KIF5C: variants seen among roughly 807,000 people sequenced by gnomAD.
The protein encoded by KIF5C is kinesin heavy chain isoform 5C.
A neutral mutation model predicts 125.2 loss-of-function variants in KIF5C; 18 were observed. The ratio of observed to expected loss-of-function variants is 0.14; its 90% CI spans 0.10 to 0.21. KIF5C has a LOEUF of 0.21. Among genes scored for constraint, KIF5C ranks in the 10% least tolerant of loss-of-function variants. The pLI is 1.00. For synonymous variants in KIF5C, 405 were observed against 434.0 expected (o/e 0.93, Z 0.83); for missense variants, 780 against 1,183.8 (o/e 0.66, Z 5.01).
intron 1 of KIF5C, among the ~76,000 whole-genome samples, chr2:148,915,215 G>A (rs188829197): frequency 6.7e-4 from 102 of 152,272 alleles, no homozygotes; most frequent in African/African-American, 2.4e-3. Context: ...TACAGTGTGC[G>A]TCTCCTGTAT....
At position 148,964,074 on chromosome 2, in the gene KIF5C, G is replaced by A. The variant is rs571077048; in HGVS notation, c.1117+1955G>A. ...GCAGATCACCTGAGGTCGGGAGTTC[G>A]AGACCCGCCTGGCCAACATGGAGAA... On this transcript the variant is annotated intron_variant, in intron 11 of 25. Transcript: ENST00000435030. Among the ~76,000 whole-genome samples the A allele has an allele frequency of 3.3e-5, 5 of 152,160 alleles. 1 individual carries two copies. In the South Asian group the frequency reaches 1.0e-3, roughly 32 times the overall value.
At chr2:149,016,462 C>T (rs975424944) in intron 25 of KIF5C, among the ~76,000 whole-genome samples, 2 of 152,104 alleles carry the variant, frequency 1.3e-5, no homozygotes, top group Non-Finnish European at 2.9e-5. Context: ...CTGCTTAGAG[C>T]TGATTCAGCT....
intron 18 of KIF5C, 198 bp downstream of exon 18, chr2:148,997,538 T>A: frequency 1.0e-6 from 1 of 966,464 alleles, no homozygotes; most frequent in South Asian, 1.8e-5. Context: ...CCCCAAGATG[T>A]CTGTAGAGAA....
intron 17 of KIF5C, among the ~76,000 whole-genome samples, chr2:148,996,027 C>T (rs56102261): frequency 0.1 from 15,449 of 152,026 alleles, 1,030 homozygotes; most frequent in African/African-American, 0.18. Context: ...TGGTGGCACA[C>T]GCCTGTAATC....
At chr2:148,949,436 T>C (rs1462755953) in intron 8 of KIF5C, among the ~76,000 whole-genome samples, 1 of 152,180 alleles carries the variant, frequency 6.6e-6, no homozygotes, top group African/African-American at 2.4e-5. Flanking sequence ...TGCCCATTCA[T>C]TGTGGCTCAG....
chr2:148,875,865 C>G lies in KIF5C; in HGVS notation c.126+122C>G, dbSNP rs1223929939. 1.6e-5 allele frequency: 21 copies of G among 1,275,932 alleles called. No homozygotes were observed. The East Asian group carries it at 7.3e-4, about 45-fold the overall frequency. 79.0% of individuals were successfully genotyped at this position (1,275,932 alleles called of 1,614,324 possible). ...GGACATTCCCGCGGGGCTGGCCTCT[C>G]GGGTGGACCTGACCAGAGACCCCTC... On this transcript the variant is annotated intron_variant, in intron 1 of 25. Transcript: ENST00000435030.
Position 148,985,336 on chromosome 2 carries a change from G to A in KIF5C, c.1716+1570G>A, listed in dbSNP as rs538924697. ...TTTATTGAGGTATAATTTACATAAA[G>A]CTGCACATATTTAAAGTATACAGTC... On this transcript the variant is annotated intron_variant, in intron 15 of 25. Coordinates refer to ENST00000435030, the MANE Select transcript of KIF5C (RefSeq NM_004522.3). 5.3e-5 allele frequency among the ~76,000 whole-genome samples: 8 copies of A among 152,242 alleles called. No individual in the cohort carries two copies. In the South Asian group the frequency reaches 1.5e-3, roughly 28 times the overall value.
At chr2:148,900,934 G>T (rs921792712) in intron 1 of KIF5C, among the ~76,000 whole-genome samples, 2 of 152,118 alleles carry the variant, frequency 1.3e-5, no homozygotes, top group East Asian at 3.9e-4. Flanking sequence ...ATGAACATTC[G>T]TTGCTGCTCT....
At chr2:148,991,278 T>G (rs1415916672) in intron 16 of KIF5C, 80 bp downstream of exon 16, 2 of 1,513,626 alleles carry the variant, frequency 1.3e-6, no homozygotes, top group East Asian at 4.8e-5. Flanking sequence ...GTGCTGATGG[T>G]GCACCTTAGG....
chr2:148,909,349 C>T (rs1421644040), intron 1 of KIF5C, among the ~76,000 whole-genome samples: 2 of 152,220 alleles, frequency 1.3e-5, no homozygotes, highest in African/African-American at 4.8e-5. Context: ...GCTCTGAGGT[C>T]ACATCCTGGG....
At chr2:148,941,825 G>T in intron 5 of KIF5C, 110 bp from the exon 6 acceptor site, 1 of 1,476,910 alleles carries the variant, frequency 6.8e-7, no homozygotes, top group Non-Finnish European at 9.1e-7. Context: ...CTTGCATATT[G>T]CAAAGAGATT....
At chr2:148,931,520 A>G (rs1682185475) in intron 3 of KIF5C, among the ~76,000 whole-genome samples, 1 of 152,136 alleles carries the variant, frequency 6.6e-6, no homozygotes, top group Non-Finnish European at 1.5e-5. Flanking sequence ...AAAATTAGCC[A>G]GGCGTGGTGG....
intron 12 of KIF5C, among the ~76,000 whole-genome samples, chr2:148,974,763 TTCC>T (rs1681017224): frequency 6.6e-6 from 1 of 152,218 alleles, no homozygotes; most frequent in African/African-American, 2.4e-5. Flanking sequence ...TGCATTTTTT[TTCC>T]TCATTTTAGA....
At chr2:148,985,600 G>C (rs1314794976) in intron 15 of KIF5C, among the ~76,000 whole-genome samples, 1 of 152,140 alleles carries the variant, frequency 6.6e-6, no homozygotes, top group Admixed American at 6.5e-5. Context: ...CTGGGGAATG[G>C]TATTACATTG....
At chr2:149,009,324 A>G (rs1002519490) in intron 23 of KIF5C, among the ~76,000 whole-genome samples, 1 of 152,152 alleles carries the variant, frequency 6.6e-6, no homozygotes, top group Admixed American at 6.5e-5. Context: ...TTGAACGAGC[A>G]TTTATTAAAA....
intron 14 of KIF5C, among the ~76,000 whole-genome samples, chr2:148,982,645 C>G (rs773839709): frequency 2.4e-4 from 37 of 152,146 alleles, no homozygotes; most frequent in Non-Finnish European, 4.4e-4. Context: ...TTGGCAATGC[C>G]AAACAAAATA....
In KIF5C at chr2:149,010,185, G is replaced by C; in HGVS notation, c.2601G>C (p.Lys867Asn). 3.2e-6 allele frequency: 5 copies of C among 1,554,086 alleles called. No homozygotes were observed. Among genetic ancestry groups the C allele is most frequent in the Non-Finnish European group, 4.4e-6 (5 of 1,148,712 alleles). ...GCTGTGAACTGCCCAAGCTGGAGAAGCGGCTGCGTGCCACGGCGGAGCGCG... is the reference window on the plus strand; with the variant it reads ...GCTGTGAACTGCCCAAGCTGGAGAACCGGCTGCGTGCCACGGCGGAGCGCG... ...DLRCELPKLE[K>N]RLRATAERVK... is the part of the protein sequence containing the mutation. Residue 867 changes from lysine (K) to asparagine (N), a missense_variant, in exon 24 of 26, where the codon AAG (lysine) becomes AAC (asparagine). Lys to Asn is a moderately conservative substitution (Grantham distance 94). Around this residue, in one of 2 missense-constraint regions of KIF5C, gnomAD observed 573 missense variants for 742.6 expected, o/e 0.77. Transcript: ENST00000435030.
chr2:149,016,350 G>C (rs547938881), intron 25 of KIF5C, among the ~76,000 whole-genome samples: 1 of 149,766 alleles, frequency 6.7e-6, no homozygotes, highest in African/African-American at 2.5e-5. Flanking sequence ...AATGGGGTAA[G>C]CACTGGGGGT....
chr2:148,876,640 C>A lies in KIF5C; in HGVS notation c.126+897C>A, dbSNP rs932616193. ...CCCACCCCCTCCCCCTACTTAGCTC[C>A]CTCTCTGCAGCTGGGGCTGCTGGTA... On this transcript the variant is annotated intron_variant, in intron 1 of 25. Transcript: ENST00000435030. The surrounding 1 kb of genome is among the most constrained non-coding windows in gnomAD (Gnocchi z 4.7). Among the ~76,000 whole-genome samples the A allele has an allele frequency of 6.6e-6, 1 of 152,118 alleles. No homozygotes were observed. The highest frequency in any genetic ancestry group is 2.4e-5 in the African/African-American group (1 of 41,418).
Sources: gnomAD v4.1 joint callset for allele counts (sites outside exome capture counted in the v4.1 genomes callset) on GRCh38, gnomAD v4.1.1 for gene constraint, gnomAD v4.1.1 regional missense constraint, Gnocchi (gnomAD v3.1) non-coding constraint, MANE v1.5 for transcripts, NCBI Gene and HGNC (gene_info 2026-07-23, HGNC 2026-07-21) for gene names.